The following PFKM variants were observed in gnomAD, a reference collection of about 807,000 sequenced individuals.
PFKM encodes the protein phosphofructokinase, muscle.
PFKM carries 58 observed loss-of-function variants against 95.5 expected under a neutral mutation model. That is an observed-to-expected ratio of 0.61 (90% CI 0.49 to 0.76). The LOEUF (loss-of-function observed/expected upper bound fraction) is 0.76, where lower values mean the gene tolerates loss of function less well. Among genes scored for constraint, PFKM ranks in the 30% least tolerant of loss-of-function variants. The probability of loss-of-function intolerance (pLI) is 0.00; values close to 1 mark genes in which losing one functional copy is unlikely to be tolerated. For missense variants in PFKM, 678 were observed against 1,005.4 expected (o/e 0.67, Z 4.40); for synonymous variants, 336 against 357.2 (o/e 0.94, Z 0.67).
chr12:48,106,252 C>T, intron 1 of PFKM: 2 of 616,616 alleles, frequency 3.2e-6, no homozygotes, highest in South Asian at 1.8e-5. Flanking sequence ...TAAGACTAGT[C>T]GTAATTTCTC....
rs1211142410 is a variant in PFKM, at chr12:48,131,335, A to G, written c.179A>G (p.Asp60Gly). The G allele has an allele frequency of 1.2e-6, 2 of 1,612,974 alleles. No homozygotes were observed. The highest frequency in any genetic ancestry group is 2.2e-5 in the East Asian group (1 of 44,860). ...ACACAGGGTTATCAAGGCCTGGTGG[A>G]TGGTGGAGATCACATCAAGGAAGCC... ...FVHEGYQGLV[D>G]GGDHIKEATW... is the part of the protein sequence containing the mutation. The change falls in exon 4 of 23, where the codon GAT (aspartate) becomes GGT (glycine). Residue 60 changes from aspartate to glycine, a missense_variant. Asp to Gly is a moderately conservative substitution (Grantham distance 94). Transcript: ENST00000359794.
upstream of PFKM, among the ~76,000 whole-genome samples, chr12:48,116,854 A>G (rs918593475): frequency 6.6e-6 from 1 of 152,226 alleles, no homozygotes; most frequent in Non-Finnish European, 1.5e-5. Context: ...TTTATACATT[A>G]TTATTAGCTA....
intron 3 of PFKM, among the ~76,000 whole-genome samples, chr12:48,112,985 TGAG>T (rs1947343669): frequency 6.6e-6 from 1 of 151,308 alleles, no homozygotes. Context: ...TGGTTTAAGG[TGAG>T]GAGATACAAG....
rs1451327387 is a variant in PFKM at position 48,106,047 on chromosome 12, A to T, written c.-100A>T. On this transcript the variant is annotated 5_prime_UTR_variant, in exon 1 of 25. Coordinates refer to the PFKM transcript ENST00000340802. ...ACTCACCGAACCGGAACCGGCTGCC[A>T]TGCGAAGGGGTTTCCGGCCGGGCGC... 6 of 702,156 alleles carry T rather than the reference A, an allele frequency of 8.5e-6. No homozygotes were observed. In the East Asian group the frequency reaches 1.1e-4, roughly 13 times the overall value. The allele number at this position is 702,156 out of a possible 1,614,324, so 43.5% of individuals were successfully genotyped here.
Position 48,143,736 on chromosome 12 carries a change from TA to T in PFKM, c.1819-16del. On this transcript the variant is annotated splice_polypyrimidine_tract_variant and intron_variant, in intron 18 of 22. Coordinates refer to ENST00000359794, the MANE Select transcript of PFKM (RefSeq NM_000289.6). The stretch of plus-strand genomic sequence containing the variant: ...TCCATTCCCAGTTAGGCTTAGGATT[TA>T]CTCTTTCATTTTCAGGCAAATGTTG... 6.2e-7 allele frequency: 1 copy of T among 1,601,184 alleles called. No individual in the cohort carries two copies. Among genetic ancestry groups the T allele is most frequent in the Non-Finnish European group, 8.6e-7 (1 of 1,168,126 alleles).
chr12:48,119,378 C>G lies in PFKM; in HGVS notation c.-37C>G. 1 of 985,728 alleles carries G rather than the reference C, an allele frequency of 1.0e-6. No individual in the cohort carries two copies. The highest frequency in any genetic ancestry group is 1.2e-6 in the Non-Finnish European group (1 of 830,104). 61.1% of individuals were successfully genotyped at this position (985,728 alleles called of 1,614,324 possible). ...TTCCCAAGGACAATCTGCAAGAAAG[C>G]AGCGGCGGAGGAGAGCTAAGACTAA... On this transcript the variant is annotated 5_prime_UTR_variant, in exon 1 of 23. Transcript: ENST00000359794.
chr12:48,110,889 A>G (rs1026966833), intron 3 of PFKM, among the ~76,000 whole-genome samples: 1 of 152,172 alleles, frequency 6.6e-6, no homozygotes, highest in Non-Finnish European at 1.5e-5. Context: ...ACTTGATCCT[A>G]CACTGGGGCA....
At chr12:48,144,711 G>A (rs919354426) in intron 20 of PFKM, among the ~76,000 whole-genome samples, 6 of 152,216 alleles carry the variant, frequency 3.9e-5, no homozygotes, top group Admixed American at 2.0e-4. Context: ...AAGCTGCTGG[G>A]CTGAAGAGGG....
intron 4 of PFKM, 165 bp downstream of exon 4, chr12:48,131,558 T>C (rs1409770526): frequency 1.5e-6 from 1 of 680,902 alleles, no homozygotes; most frequent in Non-Finnish European, 2.7e-6. Flanking sequence ...CATTTGAAAA[T>C]ACCACCCTGG....
At chr12:48,125,354 G>T in intron 2 of PFKM, 1 of 449,456 alleles carries the variant, frequency 2.2e-6, no homozygotes, top group Non-Finnish European at 4.5e-6. Flanking sequence ...AGGTGCAGTG[G>T]CTCACACCTG....
intron 5 of PFKM, 91 bp downstream of exon 5, chr12:48,133,148 C>A: frequency 7.3e-7 from 1 of 1,377,062 alleles, no homozygotes; most frequent in Non-Finnish European, 1.0e-6. Flanking sequence ...CTTTTACCTC[C>A]CATTGGAGAA....
rs2136058502 is a variant in PFKM at position 48,145,826 on chromosome 12, C to T, written c.*118C>T. The T allele has an allele frequency of 8.5e-7, 1 of 1,177,600 alleles. No individual in the cohort carries two copies. The highest frequency in any genetic ancestry group is 1.5e-5 in the African/African-American group (1 of 66,956). The allele number at this position is 1,177,600 out of a possible 1,614,324, so 72.9% of individuals were successfully genotyped here. On this transcript the variant is annotated 3_prime_UTR_variant, in exon 23 of 23. Coordinates refer to ENST00000359794, the MANE Select transcript of PFKM (RefSeq NM_000289.6). The surrounding 1 kb of genome is among the most constrained non-coding windows in gnomAD (Gnocchi z 4.3). ...CATTAGGTTTCCTTTTATTCTGTAC[C>T]TTGCAGCCATGACCAGTTCTGGCCA...
At position 48,141,997 on chromosome 12, in the gene PFKM, A is replaced by G. The variant is rs776316211; in HGVS notation, c.1584A>G (p.Thr528=). The G allele has an allele frequency of 1.2e-6, 2 of 1,614,156 alleles. No individual in the cohort carries two copies. The highest frequency in any genetic ancestry group is 1.7e-6 in the Non-Finnish European group (2 of 1,180,014). The change falls in exon 17 of 23, where the codon ACA becomes ACG. Residue 528 remains threonine, a synonymous_variant. Coordinates refer to ENST00000359794, the MANE Select transcript of PFKM (RefSeq NM_000289.6). ...LCIPFVVIPA[T]VSNNVPGSDF... ...TCCCATTTGTGGTCATTCCTGCTAC[A>G]GTCTCCAACAATGTCCCTGGCTCAG...
chr12:48,137,367 A>G lies in PFKM; in HGVS notation c.937-354A>G. 2 of 320,678 alleles carry G rather than the reference A, an allele frequency of 6.2e-6. 1 individual carries two copies. The highest frequency in any genetic ancestry group is 5.7e-5 in the South Asian group (2 of 35,068). The allele number at this position is 320,678 out of a possible 1,614,324, so 19.9% of individuals were successfully genotyped here. On this transcript the variant is annotated intron_variant, in intron 10 of 22. Transcript: ENST00000359794. ...CATGTAATTCCAACCTTAGACACTC[A>G]GTTTAAACCCTCTTATCCTATCTTC... is the stretch of plus-strand genomic sequence containing the variant.
chr12:48,141,669 C>T, intron 15 of PFKM, 71 bp from the exon 16 acceptor site: 1 of 1,146,518 alleles, frequency 8.7e-7, no homozygotes, highest in South Asian at 1.2e-5. Flanking sequence ...AGCTTTTCTC[C>T]CCCTCAATTT....
chr12:48,141,188 G>T, intron 14 of PFKM, 123 bp from the exon 15 acceptor site: 1 of 909,036 alleles, frequency 1.1e-6, no homozygotes. Flanking sequence ...GCTAATACCT[G>T]GTGTACCTTT....
intron 2 of PFKM, among the ~76,000 whole-genome samples, chr12:48,129,426 C>T (rs1348298135): frequency 1.3e-5 from 2 of 151,402 alleles, no homozygotes; most frequent in African/African-American, 4.8e-5. Flanking sequence ...TTTTTGAGTT[C>T]CCCATAAACA....
intron 20 of PFKM, 44 bp from the exon 21 acceptor site, chr12:48,144,987 C>A (rs777643536): frequency 7.4e-7 from 1 of 1,344,966 alleles, no homozygotes; most frequent in Non-Finnish European, 1.1e-6. Context: ...TCTGCCACTT[C>A]ATTAGAGTCC....
chr12:48,121,108 G>A (rs1948213022), intron 1 of PFKM, among the ~76,000 whole-genome samples: 1 of 152,208 alleles, frequency 6.6e-6, no homozygotes, highest in South Asian at 2.1e-4. Flanking sequence ...ACAACATGTG[G>A]TTAGAGGAAG....
Sources: allele counts gnomAD v4.1 joint callset (sites outside exome capture counted in the v4.1 genomes callset), GRCh38; gene constraint gnomAD v4.1.1; non-coding constraint Gnocchi (gnomAD v3.1); transcripts MANE v1.5; gene names NCBI Gene and HGNC (gene_info 2026-07-23, HGNC 2026-07-21).